The following ASTN2 variants were observed in gnomAD, a reference collection of about 807,000 sequenced individuals.
ASTN2 encodes the protein astrotactin 2, also known as astrotactin-2.
In ASTN2, 54 loss-of-function variants were observed where a neutral mutation model predicts 139.8. That is an observed-to-expected ratio of 0.39 (90% CI 0.31 to 0.48). The LOEUF (loss-of-function observed/expected upper bound fraction) is 0.48. Among genes scored for constraint, ASTN2 ranks in the 20% least tolerant of loss-of-function variants. ASTN2 has a pLI of 0.95. For missense variants in ASTN2, 1,565 were observed against 1,725.1 expected (o/e 0.91, Z 1.64); for synonymous variants, 756 against 719.5 (o/e 1.05, Z -0.81).
chr9:117,314,008 C>T (rs1828056669), intron 1 of ASTN2, among the ~76,000 whole-genome samples: 1 of 152,144 alleles, frequency 6.6e-6, no homozygotes, highest in Admixed American at 6.6e-5. Flanking sequence ...AAAACAAAAG[C>T]ATTATGTATC....
chr9:116,976,253 G>C, intron 8 of ASTN2, 65 bp from the exon 9 acceptor site: 4 of 1,344,656 alleles, frequency 3.0e-6, no homozygotes, highest in Non-Finnish European at 4.3e-6. Flanking sequence ...TTCACATGTG[G>C]ACACTGCTCT....
chr9:116,779,369 G>T (rs952802945), intron 13 of ASTN2, among the ~76,000 whole-genome samples: 9 of 152,034 alleles, frequency 5.9e-5, no homozygotes, highest in Non-Finnish European at 1.0e-4. Flanking sequence ...CAGCAACAAG[G>T]CACCATCTCA....
intron 3 of ASTN2, among the ~76,000 whole-genome samples, chr9:117,142,752 G>A (rs1384100557): frequency 6.6e-6 from 1 of 152,122 alleles, no homozygotes; most frequent in East Asian, 1.9e-4. Flanking sequence ...GGCAAGAAGA[G>A]AAAACCAAAA....
chr9:116,477,050 C>T (rs1032665475), intron 20 of ASTN2, among the ~76,000 whole-genome samples: 1 of 152,102 alleles, frequency 6.6e-6, no homozygotes, highest in Non-Finnish European at 1.5e-5. Flanking sequence ...CTCCCCACTC[C>T]ACAAGGTCAC....
In ASTN2 at chr9:116,431,078, A is replaced by C. The variant is rs562359657; in HGVS notation, c.3783-4990T>G. ...CTAATTTATTGTTTTATCAGCAGGC[A>C]AGACTGAGACAGGAATCGCTTGTGA... On this transcript the variant is annotated intron_variant, in intron 22 of 22. Transcript: ENST00000313400. Among the ~76,000 whole-genome samples the C allele has an allele frequency of 1.3e-4, 20 of 152,312 alleles. No homozygotes were observed. In the South Asian group the frequency reaches 4.1e-3, roughly 32 times the overall value.
At chr9:117,314,105 C>T (rs1223365043) in intron 1 of ASTN2, among the ~76,000 whole-genome samples, 2 of 152,154 alleles carry the variant, frequency 1.3e-5, no homozygotes, top group African/African-American at 4.8e-5. Context: ...CCAAAGACAC[C>T]TTGCTGAAAA....
chr9:117,291,644 A>T lies in ASTN2; in HGVS notation c.443-131T>A. The T allele has an allele frequency of 5.8e-6, 4 of 690,618 alleles. No homozygotes were observed. The South Asian group carries it at 5.8e-5, about 10-fold the overall frequency. 42.8% of individuals were successfully genotyped at this position (690,618 alleles called of 1,614,324 possible). A position where few individuals can be genotyped will look rare whatever the true frequency, so the allele number is the denominator to read the frequency against. ...TGCCAGGATACCTTTCCTCACATCAAGTCTATGAGATAGGGATCATCACTT... is the reference window on the plus strand; with the variant it reads ...TGCCAGGATACCTTTCCTCACATCATGTCTATGAGATAGGGATCATCACTT... On this transcript the variant is annotated intron_variant, in intron 1 of 22. Transcript: ENST00000313400.
At chr9:116,759,815 C>T (rs1829629367) in intron 13 of ASTN2, among the ~76,000 whole-genome samples, 1 of 152,140 alleles carries the variant, frequency 6.6e-6, no homozygotes, top group East Asian at 1.9e-4. Flanking sequence ...GGGCAAGGAC[C>T]TTAATCTCTC....
chr9:116,583,309 G>A (rs573906835), intron 19 of ASTN2: 1 of 152,274 alleles, frequency 6.6e-6, no homozygotes, highest in African/African-American at 2.4e-5. Context: ...TTCAACAACA[G>A]GTTAAAATTG....
intron 1 of ASTN2, among the ~76,000 whole-genome samples, chr9:117,291,769 C>T (rs914566443): frequency 3.9e-5 from 6 of 152,194 alleles, no homozygotes; most frequent in African/African-American, 1.4e-4. Context: ...GTTTTTAGTA[C>T]ATCACATGTG....
At chr9:116,939,840 T>A (rs911349407) in intron 10 of ASTN2, among the ~76,000 whole-genome samples, 2 of 152,162 alleles carry the variant, frequency 1.3e-5, no homozygotes, top group African/African-American at 2.4e-5. Context: ...GACGTTTCCG[T>A]CAACCATGGA....
chr9:116,545,350 C>G (rs1366826787), intron 19 of ASTN2, among the ~76,000 whole-genome samples: 1 of 152,160 alleles, frequency 6.6e-6, no homozygotes, highest in East Asian at 1.9e-4. Context: ...TCCACATGTA[C>G]CCACCATTCT....
intron 3 of ASTN2, among the ~76,000 whole-genome samples, chr9:117,152,501 T>A (rs1391955931): frequency 6.6e-6 from 1 of 152,186 alleles, no homozygotes; most frequent in Non-Finnish European, 1.5e-5. Context: ...AGACACAGCT[T>A]CTGCTCATGG....
At chr9:116,454,762 C>A (rs1336498936) in intron 20 of ASTN2, among the ~76,000 whole-genome samples, 1 of 152,108 alleles carries the variant, frequency 6.6e-6, no homozygotes, top group Non-Finnish European at 1.5e-5. Flanking sequence ...AGCTGGAAAC[C>A]ATCATTCTGA....
At chr9:116,756,770 A>ACACAC (rs1829542451) in intron 13 of ASTN2, among the ~76,000 whole-genome samples, 3 of 148,018 alleles carry the variant, frequency 2.0e-5, no homozygotes, top group Non-Finnish European at 3.0e-5. Flanking sequence ...CTCCGAATAA[A>ACACAC]ACACACACAC....
chr9:117,022,455 CA>C (rs5900257), intron 6 of ASTN2, among the ~76,000 whole-genome samples: 69,965 of 148,048 alleles, frequency 0.47, 17,507 homozygotes, highest in East Asian at 0.61. Context: ...AAAAAAAAAA[CA>C]AAAAAACAAA....
intron 16 of ASTN2, among the ~76,000 whole-genome samples, chr9:116,657,887 GA>G (rs1007960074): frequency 2.8e-5 from 4 of 144,748 alleles, no homozygotes; most frequent in African/African-American, 1.0e-4. Context: ...AAAGTAGCAA[GA>G]TTTTTTTTTT....
intron 1 of ASTN2, among the ~76,000 whole-genome samples, chr9:117,298,056 G>A (rs1010865370): frequency 1.3e-5 from 2 of 152,090 alleles, no homozygotes; most frequent in African/African-American, 4.8e-5. Context: ...CCATTAAATG[G>A]CTACCAGGAT....
intron 19 of ASTN2, among the ~76,000 whole-genome samples, chr9:116,535,618 C>T (rs1015481133): frequency 2.0e-5 from 3 of 152,096 alleles, no homozygotes; most frequent in South Asian, 2.1e-4. Flanking sequence ...ATTTATGAAG[C>T]TTAGTTTCGC....
Sources: gnomAD v4.1 joint callset for allele counts (sites outside exome capture counted in the v4.1 genomes callset) on GRCh38, gnomAD v4.1.1 for gene constraint, MANE v1.5 for transcripts, NCBI Gene and HGNC (gene_info 2026-07-23, HGNC 2026-07-21) for gene names.